Variants in DST observed in about 807,000 individuals in gnomAD.
The protein encoded by DST is dystonin, also known as bullous pemphigoid antigen.
Under a neutral mutation model 875.2 loss-of-function variants are expected in DST, and 253 were observed. The observed-to-expected ratio is 0.29, with a 90% CI of 0.26 to 0.32. The LOEUF (loss-of-function observed/expected upper bound fraction) is 0.32, where lower values mean the gene tolerates loss of function less well. Among genes scored for constraint, DST ranks in the 10% least tolerant of loss-of-function variants. The pLI is 1.00. For missense variants in DST, 8,287 were observed against 9,111.6 expected, an observed-to-expected ratio of 0.91 and a Z score of 3.68; for synonymous variants, 3,124 against 3,197.1, an observed-to-expected ratio of 0.98 and a Z score of 0.77.
chr6:56,633,890 A>C (rs1040489466), intron 27 of DST, among the ~76,000 whole-genome samples: 1 of 152,220 alleles, frequency 6.6e-6, no homozygotes, highest in Non-Finnish European at 1.5e-5. Context: ...TCCAACAACT[A>C]CATTCTGCCT....
intron 4 of DST, among the ~76,000 whole-genome samples, chr6:56,768,697 T>G (rs1450975093): frequency 6.6e-6 from 1 of 152,184 alleles, no homozygotes; most frequent in Non-Finnish European, 1.5e-5. Flanking sequence ...TAGGTTGGAT[T>G]CATTAAAATT....
At chr6:56,582,052 C>T (rs2098013303) in intron 49 of DST, among the ~76,000 whole-genome samples, 1 of 152,138 alleles carries the variant, frequency 6.6e-6, no homozygotes, top group Non-Finnish European at 1.5e-5. Context: ...AACTTTTGCT[C>T]CATATTTCTG....
intron 4 of DST, among the ~76,000 whole-genome samples, chr6:56,768,275 T>C (rs1036815326): frequency 2.0e-5 from 3 of 152,236 alleles, no homozygotes; most frequent in Non-Finnish European, 4.4e-5. Flanking sequence ...TGACTAATAC[T>C]ACCCAATTTC....
intron 4 of DST, among the ~76,000 whole-genome samples, chr6:56,836,445 G>A (rs1026832094): frequency 6.6e-6 from 1 of 152,070 alleles, no homozygotes; most frequent in Non-Finnish European, 1.5e-5. Context: ...AAAATTTAAG[G>A]CTTAATGCTC....
At chr6:56,748,581 A>T (rs547064707) in intron 4 of DST, among the ~76,000 whole-genome samples, 4 of 152,340 alleles carry the variant, frequency 2.6e-5, no homozygotes, top group Admixed American at 2.0e-4. Context: ...TAAATCAGCA[A>T]ATTCTTATCC....
chr6:56,846,288 CTAAGA>C (rs948473891), intron 4 of DST, among the ~76,000 whole-genome samples: 2 of 152,174 alleles, frequency 1.3e-5, no homozygotes, highest in African/African-American at 2.4e-5. Flanking sequence ...GAAACTGAGG[CTAAGA>C]TAAGTTTGGT....
At chr6:56,492,087 T>G in intron 85 of DST, 140 bp downstream of exon 85, 1 of 798,750 alleles carries the variant, frequency 1.3e-6, no homozygotes, top group Non-Finnish European at 1.9e-6. Context: ...ACAGCCCTTT[T>G]AGGAAAGAAC....
chr6:56,811,496 T>C (rs112159940), intron 4 of DST, among the ~76,000 whole-genome samples: 3,481 of 152,324 alleles, frequency 0.023, 75 homozygotes, highest in African/African-American at 0.063. Flanking sequence ...TGTGCTATTA[T>C]GAGATCCATT....
intron 4 of DST, among the ~76,000 whole-genome samples, chr6:56,838,128 T>C (rs2099795880): frequency 6.6e-6 from 1 of 152,204 alleles, no homozygotes; most frequent in Admixed American, 6.5e-5. Context: ...CAGAAGCATC[T>C]GTGTTTAGTT....
At chr6:56,872,446 C>G (rs1302965521) in intron 3 of DST, among the ~76,000 whole-genome samples, 1 of 152,048 alleles carries the variant, frequency 6.6e-6, no homozygotes, top group Non-Finnish European at 1.5e-5. Context: ...CACTTGAGCC[C>G]AGGAGTTTGA....
intron 4 of DST, among the ~76,000 whole-genome samples, chr6:56,823,121 T>C (rs1237813833): frequency 6.6e-6 from 1 of 151,876 alleles, no homozygotes; most frequent in Admixed American, 6.6e-5. Context: ...GTGGTGAGCC[T>C]ACACTATCTC....
intron 13 of DST, 91 bp from the exon 14 acceptor site, chr6:56,646,273 G>T: frequency 1.5e-6 from 1 of 655,254 alleles, no homozygotes; most frequent in Non-Finnish European, 2.5e-6. Flanking sequence ...GTTATGTACT[G>T]TATCATATGC....
intron 25 of DST, 44 bp from the exon 26 acceptor site, chr6:56,634,660 T>TA (rs1458040654): frequency 6.2e-7 from 1 of 1,612,054 alleles, no homozygotes; most frequent in African/African-American, 1.3e-5. Flanking sequence ...AGGTCACTGT[T>TA]AACTGTTTTC....
At position 56,611,577 on chromosome 6, in the gene DST, G is replaced by T; in HGVS notation, c.5078C>A (p.Ser1693Ter). Residue 1693 changes from serine (S) to a stop codon, truncating the protein, a stop_gained, in exon 38 of 104, where the codon TCA becomes TAA. Coordinates refer to ENST00000680361, the MANE Select transcript of DST (RefSeq NM_001374736.1). LOFTEE classifies it high-confidence loss of function. ...SKQKISSEEI[S>*]TKKEQLSEAL... ...TTCCGATAATTGTTCCTTCTTGGTT[G>T]ATATTTCCTCACTGGAAATCTGTAA... 1 of 1,612,270 alleles carries T rather than the reference G, an allele frequency of 6.2e-7. No individual in the cohort carries two copies. The highest frequency in any genetic ancestry group is 8.5e-7 in the Non-Finnish European group (1 of 1,178,958).
chr6:56,481,213 T>C (rs897952260), intron 90 of DST, among the ~76,000 whole-genome samples: 2 of 152,216 alleles, frequency 1.3e-5, no homozygotes, highest in African/African-American at 4.8e-5. Flanking sequence ...ATTAATGATG[T>C]ATTTCCAGCC....
In DST at chr6:56,536,921, A is replaced by G. The variant is rs1319322951; in HGVS notation, c.16628T>C (p.Ile5543Thr). The G allele has an allele frequency of 2.5e-6, 4 of 1,613,764 alleles. No homozygotes were observed. The highest frequency in any genetic ancestry group is 2.7e-5 in the African/African-American group (2 of 74,926). The change falls in exon 62 of 104, where the codon ATT becomes ACT. Residue 5543 changes from isoleucine (I) to threonine (T), a missense_variant. By Grantham distance (89) the Ile-to-Thr change is moderately conservative. Coordinates refer to ENST00000680361, the MANE Select transcript of DST (RefSeq NM_001374736.1). Reference sequence around the variant, plus strand: ...TTGCTGTTTACCTTGCAAGGGTTCAATCTCTTCTTTCTGGAATACCTGCAG... The same window carrying G: ...TTGCTGTTTACCTTGCAAGGGTTCAGTCTCTTCTTTCTGGAATACCTGCAG... ...NMFKVFQKEE[I>T]EPLQGKQQDV...
chr6:56,511,454 A>C, intron 72 of DST, 54 bp from the exon 73 acceptor site: 1 of 1,464,290 alleles, frequency 6.8e-7, no homozygotes, highest in Non-Finnish European at 9.3e-7. Context: ...TCCATATTAC[A>C]GCTGTCTACA....
At chr6:56,689,904 C>T (rs1382075884) in intron 9 of DST, among the ~76,000 whole-genome samples, 6 of 152,126 alleles carry the variant, frequency 3.9e-5, no homozygotes, top group Non-Finnish European at 5.9e-5. Flanking sequence ...CTGGAAAGAG[C>T]TCAAGGACAA....
At chr6:56,614,949 GCTTT>G in intron 36 of DST, 2 of 992,672 alleles carry the variant, frequency 2.0e-6, no homozygotes. Flanking sequence ...CATAATGTTA[GCTTT>G]CAAGTGCGAA....
Sources: gnomAD v4.1 joint callset for allele counts (sites outside exome capture counted in the v4.1 genomes callset) on GRCh38, gnomAD v4.1.1 for gene constraint, MANE v1.5 for transcripts, NCBI Gene and HGNC (gene_info 2026-07-23, HGNC 2026-07-21) for gene names.